The following MECOM variants were observed in gnomAD, a reference collection of about 807,000 sequenced individuals.
MECOM encodes the protein histone-lysine N-methyltransferase MECOM.
Under a neutral mutation model 116.3 loss-of-function variants are expected in MECOM, and 13 were observed. That is an observed-to-expected ratio of 0.11 (90% CI 0.07 to 0.18). MECOM has a LOEUF of 0.18. Ranked by LOEUF, MECOM falls within the 10% of genes least tolerant of loss-of-function variation. MECOM has a pLI of 1.00. For synonymous variants in MECOM, 528 were observed against 535.2 expected (o/e 0.99, Z 0.19); for missense variants, 1,299 against 1,509.0 (o/e 0.86, Z 2.31).
chr3:169,154,804 A>T (rs966963484), intron 2 of MECOM, among the ~76,000 whole-genome samples: 1 of 152,186 alleles, frequency 6.6e-6, no homozygotes, highest in Non-Finnish European at 1.5e-5. Context: ...TATCATTATT[A>T]TTGCTCAGCC....
chr3:169,328,564 TA>T (rs1722229788), intron 2 of MECOM, among the ~76,000 whole-genome samples: 2 of 152,214 alleles, frequency 1.3e-5, no homozygotes, highest in African/African-American at 4.8e-5. Flanking sequence ...AAAATATACT[TA>T]AATTTGATAG....
At chr3:169,366,612 T>A (rs559788239) in intron 2 of MECOM, among the ~76,000 whole-genome samples, 1 of 152,130 alleles carries the variant, frequency 6.6e-6, no homozygotes, top group South Asian at 2.1e-4. Flanking sequence ...AATACCTTTT[T>A]TTGAGGGCAG....
At chr3:169,536,653 T>C (rs1759403908) in intron 1 of MECOM, among the ~76,000 whole-genome samples, 1 of 151,880 alleles carries the variant, frequency 6.6e-6, no homozygotes, top group South Asian at 2.1e-4. Flanking sequence ...AAGGGGAAAA[T>C]CCACACTCAA....
intron 1 of MECOM, among the ~76,000 whole-genome samples, chr3:169,622,877 C>T (rs1389478528): frequency 6.6e-6 from 1 of 152,098 alleles, no homozygotes; most frequent in East Asian, 1.9e-4. Flanking sequence ...ACAGGTAATT[C>T]ATTAAAAAAA....
chr3:169,300,378 T>G (rs1019633314), intron 2 of MECOM, among the ~76,000 whole-genome samples: 3 of 152,220 alleles, frequency 2.0e-5, no homozygotes, highest in Non-Finnish European at 4.4e-5. Flanking sequence ...TATAAATCAT[T>G]CAAATAGAAA....
intron 2 of MECOM, among the ~76,000 whole-genome samples, chr3:169,310,705 C>T (rs1267457538): frequency 1.3e-5 from 2 of 152,224 alleles, no homozygotes; most frequent in East Asian, 1.9e-4. Flanking sequence ...GTCTCCTCAG[C>T]ATTAATTAGT....
chr3:169,612,842 A>T (rs1480825286), intron 1 of MECOM, among the ~76,000 whole-genome samples: 1 of 152,120 alleles, frequency 6.6e-6, no homozygotes, highest in African/African-American at 2.4e-5. Flanking sequence ...ACACCTAAAG[A>T]TTTCCCCACA....
At chr3:169,178,701 A>G (rs556717138) in intron 2 of MECOM, among the ~76,000 whole-genome samples, 1 of 152,334 alleles carries the variant, frequency 6.6e-6, no homozygotes, top group East Asian at 1.9e-4. Flanking sequence ...TAAATTCTTC[A>G]GTTCTTTTCC....
intron 1 of MECOM, among the ~76,000 whole-genome samples, chr3:169,514,056 C>T (rs574954171): frequency 2.6e-5 from 4 of 152,126 alleles, no homozygotes; most frequent in African/African-American, 9.7e-5. Context: ...TACTTTACTA[C>T]CCCAAACCAA....
chr3:169,200,524 GT>G (rs1749005319), intron 2 of MECOM, among the ~76,000 whole-genome samples: 1 of 152,052 alleles, frequency 6.6e-6, no homozygotes, highest in South Asian at 2.1e-4. Context: ...ATTTAGCAGA[GT>G]TCTAATGAGT....
chr3:169,216,651 C>T (rs1751459865), intron 2 of MECOM, among the ~76,000 whole-genome samples: 1 of 150,078 alleles, frequency 6.7e-6, no homozygotes, highest in African/African-American at 2.5e-5. Context: ...CAATCTAGTA[C>T]ATTAAAATAA....
At chr3:169,353,307 A>G (rs1481920882) in intron 2 of MECOM, among the ~76,000 whole-genome samples, 2 of 151,944 alleles carry the variant, frequency 1.3e-5, no homozygotes, top group Non-Finnish European at 2.9e-5. Flanking sequence ...TCAATTTTGG[A>G]AAATAATGTT....
chr3:169,548,946 A>G (rs1356552765), intron 1 of MECOM, among the ~76,000 whole-genome samples: 1 of 151,648 alleles, frequency 6.6e-6, no homozygotes, highest in Non-Finnish European at 1.5e-5. Flanking sequence ...TGGGCCATAA[A>G]CACGTAAAAC....
At chr3:169,576,811 AC>A (rs1428521075) in intron 1 of MECOM, among the ~76,000 whole-genome samples, 93 of 114,670 alleles carry the variant, frequency 8.1e-4, no homozygotes, top group African/African-American at 3.8e-3. Flanking sequence ...ACACACACAC[AC>A]ACACACACAC....
intron 1 of MECOM, among the ~76,000 whole-genome samples, chr3:169,550,211 C>T (rs752263164): frequency 6.6e-6 from 1 of 152,136 alleles, no homozygotes; most frequent in Non-Finnish European, 1.5e-5. Flanking sequence ...TTGAACAAAA[C>T]GAGCAAATGC....
At position 169,563,967 on chromosome 3, in the gene MECOM, G is replaced by A. The variant is rs543720559; in HGVS notation, c.37+99369C>T. Among the ~76,000 whole-genome samples the A allele has an allele frequency of 2.9e-4, 44 of 152,240 alleles. 1 individual carries two copies. Among genetic ancestry groups the A allele is most frequent in the Middle Eastern group, 6.8e-3 (2 of 294 alleles). On this transcript the variant is annotated intron_variant, in intron 1 of 16. Coordinates refer to ENST00000651503, the MANE Select transcript of MECOM (RefSeq NM_004991.4). ...CCCAGAAAAACAGTACACTGACCAAGAGCCCCATCTAAAATCAATTGTTTG... is the reference window on the plus strand; with the variant it reads ...CCCAGAAAAACAGTACACTGACCAAAAGCCCCATCTAAAATCAATTGTTTG...
intron 1 of MECOM, among the ~76,000 whole-genome samples, chr3:169,545,165 T>C (rs1057186740): frequency 6.6e-6 from 1 of 152,224 alleles, no homozygotes; most frequent in African/African-American, 2.4e-5. Flanking sequence ...GTTTTTGTTG[T>C]TTGGGCATTG....
rs960271529 is a variant in MECOM, at chr3:169,133,968, G to A, written c.511-2437C>T. On this transcript the variant is annotated intron_variant, in intron 3 of 16. Transcript: ENST00000651503. Reference sequence around the variant, plus strand: ...TTATTAGCTTCCTTTCCAACAACATGTTGACATTTGAATTGTGACATATTA... The same window carrying A: ...TTATTAGCTTCCTTTCCAACAACATATTGACATTTGAATTGTGACATATTA... 4 of 1,288,902 alleles carry A rather than the reference G, an allele frequency of 3.1e-6. No homozygotes were observed. In the African/African-American group the frequency reaches 6.1e-5, roughly 20 times the overall value. The allele number at this position is 1,288,902 out of a possible 1,614,324, so 79.8% of individuals were successfully genotyped here. A position where few individuals can be genotyped will look rare whatever the true frequency, so the allele number is the denominator to read the frequency against.
intron 1 of MECOM, among the ~76,000 whole-genome samples, chr3:169,610,527 G>GTGTGTATA (rs946098201): frequency 6.6e-5 from 10 of 150,974 alleles, no homozygotes; most frequent in African/African-American, 1.7e-4. Flanking sequence ...GTGTGTGTGT[G>GTGTGTATA]TATAATATCC....
Sources: gnomAD v4.1 joint callset for allele counts (sites outside exome capture counted in the v4.1 genomes callset) on GRCh38, gnomAD v4.1.1 for gene constraint, MANE v1.5 for transcripts, NCBI Gene and HGNC (gene_info 2026-07-23, HGNC 2026-07-21) for gene names.